Variants in CDK7 observed in about 807,000 individuals in gnomAD.
The protein encoded by CDK7 is cyclin dependent kinase 7, also known as cyclin-dependent kinase 7.
Under a neutral mutation model 49.1 loss-of-function variants are expected in CDK7, and 25 were observed. The observed-to-expected ratio is 0.51, with a 90% CI of 0.37 to 0.71. The LOEUF is 0.71. Among genes scored for constraint, CDK7 ranks in the 30% least tolerant of loss-of-function variants. The pLI is 0.00. For synonymous variants in CDK7, 107 were observed against 140.0 expected (o/e 0.76, Z 1.67); for missense variants, 316 against 411.7 (o/e 0.77, Z 2.01).
intron 8 of CDK7, among the ~76,000 whole-genome samples, chr5:69,264,587 A>T (rs1751025385): frequency 6.6e-6 from 1 of 152,188 alleles, no homozygotes; most frequent in Non-Finnish European, 1.5e-5. Context: ...AGAATGTACC[A>T]ACAGAAAACA....
rs115057396 is a variant in CDK7 at position 69,244,916 on chromosome 5, T to C, written c.127-7502T>C. Among the ~76,000 whole-genome samples, 1,510 of 152,312 alleles carry C rather than the reference T, an allele frequency of 9.9e-3. 30 individuals are homozygous for C. Among genetic ancestry groups the C allele is most frequent in the African/African-American group, 0.035 (1,461 of 41,570 alleles). On this transcript the variant is annotated intron_variant, in intron 2 of 11. Transcript: ENST00000256443. ...AGGGATGTTAGATTTTATCAAATGC[T>C]TTTTCAGCATCAATTGAAATGATTA...
intron 2 of CDK7, among the ~76,000 whole-genome samples, chr5:69,246,852 G>A (rs1267313488): frequency 1.3e-5 from 2 of 151,676 alleles, no homozygotes; most frequent in Non-Finnish European, 2.9e-5. Flanking sequence ...TCTGTCCATT[G>A]ACCCACTGGT....
chr5:69,237,049 C>T (rs977182400), intron 2 of CDK7, among the ~76,000 whole-genome samples: 1 of 150,740 alleles, frequency 6.6e-6, no homozygotes, highest in Non-Finnish European at 1.5e-5. Context: ...CAGCCACTCC[C>T]TTTAAAACCC....
intron 10 of CDK7, 113 bp downstream of exon 10, chr5:69,273,154 T>G: frequency 2.6e-6 from 2 of 763,370 alleles, no homozygotes; most frequent in Non-Finnish European, 3.9e-6. Context: ...GAAAGATGTG[T>G]TTTTGTTTTA....
At position 69,234,981 on chromosome 5, in the gene CDK7, T is replaced by C. The variant is rs1748849431; in HGVS notation, c.6T>C (p.Ala2=). 6.3e-7 allele frequency: 1 copy of C among 1,596,860 alleles called. No individual in the cohort carries two copies. Among genetic ancestry groups the C allele is most frequent in the Non-Finnish European group, 8.5e-7 (1 of 1,172,068 alleles). M[A]LDVKSRAKRY... is the part of the protein sequence containing the mutation. Reference sequence around the variant, plus strand: ...GTCGGGCTTTACGGCGCCGGATGGCTCTGGACGTGAAGTCTCGGGCAAAGC... The same window carrying C: ...GTCGGGCTTTACGGCGCCGGATGGCCCTGGACGTGAAGTCTCGGGCAAAGC... Residue 2 remains alanine (A), a synonymous_variant, in exon 1 of 12, where the codon GCT becomes GCC. Coordinates refer to ENST00000256443, the MANE Select transcript of CDK7 (RefSeq NM_001799.4).
At position 69,241,405 on chromosome 5, in the gene CDK7, C is replaced by T. The variant is rs1354833172; in HGVS notation, c.126+5952C>T. Among the ~76,000 whole-genome samples the T allele has an allele frequency of 2.0e-5, 3 of 148,702 alleles. No individual in the cohort carries two copies. In the East Asian group the frequency reaches 5.9e-4, roughly 29 times the overall value. ...GCGCAATCTCGGTTTACTGCAACCT[C>T]CGCCTCCTGGGTTCAAGCAATTCTC... On this transcript the variant is annotated intron_variant, in intron 2 of 11. Coordinates refer to ENST00000256443, the MANE Select transcript of CDK7 (RefSeq NM_001799.4).
At chr5:69,257,913 G>C in intron 5 of CDK7, 130 bp from the exon 6 acceptor site, 1 of 631,334 alleles carries the variant, frequency 1.6e-6, no homozygotes, top group Non-Finnish European at 2.8e-6. Context: ...GCTTCCTGAG[G>C]AAACTTAGAT....
intron 4 of CDK7, 40 bp from the exon 5 acceptor site, chr5:69,255,420 A>G (rs751913102): frequency 2.4e-6 from 3 of 1,236,794 alleles, no homozygotes; most frequent in Non-Finnish European, 3.4e-6. Context: ...ACTGTCAGGT[A>G]TTAAATAGTG....
intron 2 of CDK7, among the ~76,000 whole-genome samples, chr5:69,235,839 T>C (rs1040157956): frequency 1.3e-5 from 2 of 152,254 alleles, no homozygotes; most frequent in Admixed American, 1.3e-4. Context: ...TGAAAGACTT[T>C]CACTAGCATG....
chr5:69,254,383 G>A lies in CDK7; in HGVS notation c.161-219G>A, dbSNP rs534722060. On this transcript the variant is annotated intron_variant, in intron 3 of 11. Coordinates refer to ENST00000256443, the MANE Select transcript of CDK7 (RefSeq NM_001799.4). ...CTAAAAATACAAAAATTAGCCGGGCGTGGTGGCGCGTGCCTGTAATCCCTG... is the reference window on the plus strand; with the variant it reads ...CTAAAAATACAAAAATTAGCCGGGCATGGTGGCGCGTGCCTGTAATCCCTG... 6.6e-5 allele frequency among the ~76,000 whole-genome samples: 10 copies of A among 151,982 alleles called. No individual in the cohort carries two copies. The South Asian group carries it at 8.3e-4, about 13-fold the overall frequency.
chr5:69,238,428 G>A lies in CDK7; in HGVS notation c.126+2975G>A, dbSNP rs896880733. The stretch of plus-strand genomic sequence containing the variant: ...GCCTCCCAACCAGCTAGGAGTACAG[G>A]TGCATGCCACCGTGCCCCACTAAAT... On this transcript the variant is annotated intron_variant, in intron 2 of 11. Transcript: ENST00000256443. Among the ~76,000 whole-genome samples, 6 of 151,782 alleles carry A rather than the reference G, an allele frequency of 4.0e-5. No individual in the cohort carries two copies. The East Asian group carries it at 7.8e-4, about 20-fold the overall frequency.
chr5:69,275,699 C>T (rs976883912), intron 10 of CDK7, among the ~76,000 whole-genome samples: 5 of 152,066 alleles, frequency 3.3e-5, no homozygotes, highest in Admixed American at 6.6e-5. Context: ...TTCAGCCAGG[C>T]GCGGTGGCTC....
chr5:69,241,307 G>GTTTTTTT (rs1749355577), intron 2 of CDK7, among the ~76,000 whole-genome samples: 1 of 112,942 alleles, frequency 8.9e-6, no homozygotes. Flanking sequence ...CTCATTGTAG[G>GTTTTTTT]TTTTTTCTTT....
chr5:69,259,764 A>T, intron 6 of CDK7, 54 bp from the exon 7 acceptor site: 1 of 1,100,746 alleles, frequency 9.1e-7, no homozygotes, highest in African/African-American at 1.5e-5. Context: ...ATGTAGCACT[A>T]CAGTGTTCTC....
chr5:69,270,061 G>A (rs2150229117), intron 9 of CDK7, among the ~76,000 whole-genome samples: 2 of 118,868 alleles, frequency 1.7e-5, no homozygotes, highest in South Asian at 6.0e-4. Flanking sequence ...GTGAGACTCT[G>A]TCTCCAAAAA....
intron 5 of CDK7, among the ~76,000 whole-genome samples, chr5:69,256,952 A>G (rs188022005): frequency 7.2e-5 from 11 of 152,308 alleles, no homozygotes; most frequent in African/African-American, 2.6e-4. Flanking sequence ...GAACAATCCA[A>G]ACATCCCTCA....
In CDK7 at chr5:69,255,524, T is replaced by C; in HGVS notation, c.293T>C (p.Leu98Pro). ...SLVFDFMETD[L>P]EVIIKDNSLV... ...GTCTTTGATTTTATGGAAACTGATC[T>C]AGAGGTAAGATTAAGATTCCTGGAG... Residue 98 changes from leucine to proline, a missense_variant, in exon 5 of 12, where the codon CTA becomes CCA. Physicochemically the swap from Leu to Pro is moderately conservative, Grantham distance 98. Coordinates refer to ENST00000256443, the MANE Select transcript of CDK7 (RefSeq NM_001799.4). 1 of 1,571,768 alleles carries C rather than the reference T, an allele frequency of 6.4e-7. No individual in the cohort carries two copies.
intron 2 of CDK7, among the ~76,000 whole-genome samples, chr5:69,243,171 A>G (rs1749501650): frequency 6.6e-6 from 1 of 152,224 alleles, no homozygotes; most frequent in African/African-American, 2.4e-5. Context: ...ATCCTGAGAA[A>G]CTGCAGATAC....
upstream of CDK7, chr5:69,234,817 A>C: frequency 1.4e-6 from 1 of 715,528 alleles, no homozygotes; most frequent in Non-Finnish European, 2.4e-6. Context: ...GCCTGGGCCT[A>C]GCGCAGCTTC....
Sources: allele counts gnomAD v4.1 joint callset (sites outside exome capture counted in the v4.1 genomes callset), GRCh38; gene constraint gnomAD v4.1.1; transcripts MANE v1.5; gene names NCBI Gene and HGNC (gene_info 2026-07-23, HGNC 2026-07-21).